ZNF407: variants seen among roughly 807,000 people sequenced by gnomAD.
The protein encoded by ZNF407 is zinc finger protein 407.
Under a neutral mutation model 131.2 loss-of-function variants are expected in ZNF407, and 17 were observed. That is an observed-to-expected ratio of 0.13 (90% CI 0.09 to 0.19). ZNF407 has a LOEUF of 0.19. Ranked by LOEUF, ZNF407 falls within the 10% of genes least tolerant of loss-of-function variation. The pLI is 1.00. For missense variants in ZNF407, 2,681 were observed against 2,830.6 expected (o/e 0.95, Z 1.20); for synonymous variants, 1,156 against 1,062.0 (o/e 1.09, Z -1.72).
chr18:74,697,957 C>T (rs934730960), intron 3 of ZNF407, among the ~76,000 whole-genome samples: 3 of 152,060 alleles, frequency 2.0e-5, no homozygotes, highest in Non-Finnish European at 4.4e-5. Flanking sequence ...TTATAATTCT[C>T]GAGAATACAA....
At chr18:75,059,161 C>T (rs545596732) in intron 8 of ZNF407, among the ~76,000 whole-genome samples, 1 of 152,268 alleles carries the variant, frequency 6.6e-6, no homozygotes, top group Admixed American at 6.5e-5. Context: ...AGTGGCTTAA[C>T]CCACCTCTGG....
chr18:74,654,037 A>G (rs1985343801), intron 3 of ZNF407, among the ~76,000 whole-genome samples: 1 of 151,852 alleles, frequency 6.6e-6, no homozygotes, highest in Non-Finnish European at 1.5e-5. Context: ...CATTAGCAAT[A>G]ACAGACATGA....
chr18:74,901,399 T>G lies in ZNF407; in HGVS notation c.5249+11361T>G, dbSNP rs538978622. 7.9e-5 allele frequency among the ~76,000 whole-genome samples: 12 copies of G among 152,350 alleles called. 1 individual carries two copies. The South Asian group carries it at 2.5e-3, about 32-fold the overall frequency. On this transcript the variant is annotated intron_variant, in intron 7 of 8. Transcript: ENST00000299687. ...TTTTGTACATATTCTCTCAAACTTTTGGCACCATTTCTGCAAGTACAAATA... is the reference window on the plus strand; with the variant it reads ...TTTTGTACATATTCTCTCAAACTTTGGGCACCATTTCTGCAAGTACAAATA...
At position 74,969,195 on chromosome 18, in the gene ZNF407, G is replaced by A. The variant is rs1454866441; in HGVS notation, c.5428+48503G>A. ...CGAGAGTTTATAATTTATGGTGAAA[G>A]CATTTTTATGATGCCTGCTTTAAAA... is the stretch of plus-strand genomic sequence containing the variant. On this transcript the variant is annotated intron_variant, in intron 8 of 8. Coordinates refer to ENST00000299687, the MANE Select transcript of ZNF407 (RefSeq NM_017757.3). Among the ~76,000 whole-genome samples the A allele has an allele frequency of 3.9e-5, 6 of 152,172 alleles. 1 individual carries two copies. Among genetic ancestry groups the A allele is most frequent in the Admixed American group, 3.9e-4 (6 of 15,270 alleles).
intron 8 of ZNF407, among the ~76,000 whole-genome samples, chr18:75,001,200 C>A (rs534161299): frequency 6.6e-6 from 1 of 152,248 alleles, no homozygotes; most frequent in Admixed American, 6.5e-5. Flanking sequence ...AGATAGATAT[C>A]TTTGAAGTGC....
intron 4 of ZNF407, among the ~76,000 whole-genome samples, chr18:74,795,032 T>C (rs1280350745): frequency 6.6e-6 from 1 of 152,162 alleles, no homozygotes; most frequent in Non-Finnish European, 1.5e-5. Context: ...TTTCTAATGA[T>C]GAAATTTTCA....
At chr18:74,625,054 A>C (rs1190102952) in intron 1 of ZNF407, among the ~76,000 whole-genome samples, 1 of 152,170 alleles carries the variant, frequency 6.6e-6, no homozygotes, top group East Asian at 1.9e-4. Context: ...GCATGAGTAC[A>C]TTTGTATGAC....
At position 74,920,642 on chromosome 18, in the gene ZNF407, A is replaced by T; in HGVS notation, c.5378A>T (p.Lys1793Met). ...NVPVEFRNHL[K>M]EQHPDIENPD... Reference sequence around the variant, plus strand: ...CCGGTGGAGTTCCGGAACCATTTGAAGGAACAGCATCCTGACATCGAAAAC... The same window carrying T: ...CCGGTGGAGTTCCGGAACCATTTGATGGAACAGCATCCTGACATCGAAAAC... Residue 1793 changes from lysine (K) to methionine (M), a missense_variant, in exon 8 of 9, where the codon AAG (lysine) becomes ATG (methionine). Lys to Met is a moderately conservative substitution (Grantham distance 95, BLOSUM62 -1). Transcript: ENST00000299687. 1 of 1,611,352 alleles carries T rather than the reference A, an allele frequency of 6.2e-7. No homozygotes were observed. Among genetic ancestry groups the T allele is most frequent in the Non-Finnish European group, 8.5e-7 (1 of 1,177,720 alleles).
intron 4 of ZNF407, among the ~76,000 whole-genome samples, chr18:74,819,472 C>T (rs1970311310): frequency 6.6e-6 from 1 of 152,202 alleles, no homozygotes; most frequent in African/African-American, 2.4e-5. Context: ...ACAAGGCCTA[C>T]ATGATCACCC....
chr18:74,817,538 A>G (rs375785570), intron 4 of ZNF407, among the ~76,000 whole-genome samples: 2 of 152,218 alleles, frequency 1.3e-5, no homozygotes, highest in East Asian at 1.9e-4. Flanking sequence ...ATACTATTTT[A>G]GTTTATAAAA....
At chr18:74,783,801 C>T (rs778044527) in intron 4 of ZNF407, among the ~76,000 whole-genome samples, 3 of 152,178 alleles carry the variant, frequency 2.0e-5, no homozygotes, top group Non-Finnish European at 4.4e-5. Flanking sequence ...CTTCAAGCAG[C>T]AACATTCTTC....
intron 8 of ZNF407, among the ~76,000 whole-genome samples, chr18:74,959,459 T>G (rs1024521388): frequency 2.6e-5 from 4 of 152,206 alleles, no homozygotes; most frequent in African/African-American, 9.7e-5. Flanking sequence ...TTAACTTGCA[T>G]GCAACCATCA....
intron 3 of ZNF407, among the ~76,000 whole-genome samples, chr18:74,757,540 A>G (rs561916384): frequency 2.0e-5 from 3 of 152,210 alleles, no homozygotes; most frequent in East Asian, 1.9e-4. Flanking sequence ...TTCAATCTCT[A>G]TAGATGTCCT....
intron 3 of ZNF407, among the ~76,000 whole-genome samples, chr18:74,657,427 T>C (rs1599046267): frequency 1.3e-5 from 2 of 152,182 alleles, no homozygotes; most frequent in South Asian, 4.2e-4. Context: ...GTCCAGAAAA[T>C]GCATTATTGT....
At chr18:74,815,541 T>A (rs72975425) in intron 4 of ZNF407, among the ~76,000 whole-genome samples, 12,055 of 152,312 alleles carry the variant, frequency 0.079, 623 homozygotes, top group South Asian at 0.17. Context: ...TGTCATACAC[T>A]AGCAATATGG....
chr18:74,829,114 T>G (rs1047994846), intron 4 of ZNF407, among the ~76,000 whole-genome samples: 1 of 152,234 alleles, frequency 6.6e-6, no homozygotes, highest in Admixed American at 6.5e-5. Flanking sequence ...AGCTTAATTC[T>G]AATCTTTACA....
intron 7 of ZNF407, among the ~76,000 whole-genome samples, chr18:74,892,283 A>G (rs1356633595): frequency 6.6e-6 from 1 of 152,134 alleles, no homozygotes; most frequent in Non-Finnish European, 1.5e-5. Context: ...AGCCATGTGG[A>G]GAACCTGGGC....
chr18:74,994,261 A>T (rs1450273648), intron 8 of ZNF407, among the ~76,000 whole-genome samples: 2 of 152,234 alleles, frequency 1.3e-5, no homozygotes, highest in East Asian at 3.8e-4. Context: ...ATGTGTATAT[A>T]TAGAAAGAGT....
At chr18:74,698,417 G>T (rs1468310447) in intron 3 of ZNF407, among the ~76,000 whole-genome samples, 1 of 152,172 alleles carries the variant, frequency 6.6e-6, no homozygotes, top group East Asian at 1.9e-4. Flanking sequence ...CTTCTGAGCT[G>T]GTTGTATGTA....
Sources: allele counts gnomAD v4.1 joint callset (sites outside exome capture counted in the v4.1 genomes callset), GRCh38; gene constraint gnomAD v4.1.1; transcripts MANE v1.5; gene names NCBI Gene and HGNC (gene_info 2026-07-23, HGNC 2026-07-21).